The following CELF4 variants were observed in gnomAD, a reference collection of about 807,000 sequenced individuals.
CELF4 encodes the protein CUG-BP- and ETR-3-like factor 4.
CELF4 carries 18 observed loss-of-function variants against 59.9 expected under a neutral mutation model. The ratio of observed to expected loss-of-function variants is 0.30; its 90% CI spans 0.21 to 0.45. The LOEUF (loss-of-function observed/expected upper bound fraction) is 0.45. Among genes scored for constraint, CELF4 ranks in the 20% least tolerant of loss-of-function variants. CELF4 has a pLI of 1.00. For synonymous variants in CELF4, 261 were observed against 267.1 expected, an observed-to-expected ratio of 0.98 and a Z score of 0.22; for missense variants, 456 against 689.0, an observed-to-expected ratio of 0.66 and a Z score of 3.79.
At chr18:37,271,254 CTTTTTTT>C (rs34833771) in intron 7 of CELF4, among the ~76,000 whole-genome samples, 21 of 105,536 alleles carry the variant, frequency 2.0e-4, no homozygotes, top group Admixed American at 8.3e-4. Context: ...TCCTTCAGTC[CTTTTTTT>C]TTTTTTTTTT....
chr18:37,526,974 A>T (rs2099964614), intron 1 of CELF4, among the ~76,000 whole-genome samples: 1 of 152,200 alleles, frequency 6.6e-6, no homozygotes, highest in Non-Finnish European at 1.5e-5. Context: ...TTATCTATAA[A>T]ATGGGCAGTA....
At chr18:37,296,487 C>T (rs977658631) in intron 3 of CELF4, among the ~76,000 whole-genome samples, 4 of 152,216 alleles carry the variant, frequency 2.6e-5, no homozygotes, top group Admixed American at 2.0e-4. Flanking sequence ...TGAGCCACTG[C>T]GCCTGGCCGG....
chr18:37,263,647 T>G (rs1160784300), intron 10 of CELF4, among the ~76,000 whole-genome samples: 2 of 152,018 alleles, frequency 1.3e-5, no homozygotes, highest in African/African-American at 4.8e-5. Flanking sequence ...ACCTAGGCAC[T>G]GGGATGGGAA....
intron 1 of CELF4, among the ~76,000 whole-genome samples, chr18:37,506,560 T>C (rs1369029807): frequency 1.3e-5 from 2 of 151,948 alleles, no homozygotes; most frequent in African/African-American, 2.4e-5. Flanking sequence ...GAGAGGGAGG[T>C]TGGGCAAACT....
intron 3 of CELF4, among the ~76,000 whole-genome samples, chr18:37,309,440 C>G (rs991897586): frequency 2.6e-5 from 4 of 151,894 alleles, no homozygotes; most frequent in Admixed American, 2.6e-4. Context: ...ATTGAGGCCC[C>G]ACTGGCTCTA....
At chr18:37,334,784 G>A (rs1201806678) in intron 2 of CELF4, among the ~76,000 whole-genome samples, 1 of 151,958 alleles carries the variant, frequency 6.6e-6, no homozygotes. Flanking sequence ...TAGGCCTGGA[G>A]AGAGCAGGAA....
chr18:37,478,258 C>T (rs561652980), intron 2 of CELF4, among the ~76,000 whole-genome samples: 82 of 152,284 alleles, frequency 5.4e-4, no homozygotes, highest in East Asian at 1.4e-3. Flanking sequence ...AGGGAGGGTC[C>T]GGGCTCATTG....
At chr18:37,455,062 A>C (rs191204379) in intron 2 of CELF4, among the ~76,000 whole-genome samples, 397 of 152,322 alleles carry the variant, frequency 2.6e-3, no homozygotes, top group Non-Finnish European at 4.4e-3. Context: ...TAGGGGAAAA[A>C]AAATCCACAT....
intron 2 of CELF4, among the ~76,000 whole-genome samples, chr18:37,472,850 T>C (rs953400219): frequency 2.6e-5 from 4 of 152,314 alleles, no homozygotes; most frequent in African/African-American, 9.6e-5. Context: ...CTAGCCAAAC[T>C]GGCTGGGGCT....
intron 2 of CELF4, among the ~76,000 whole-genome samples, chr18:37,451,123 G>A (rs2099762378): frequency 6.6e-6 from 1 of 152,234 alleles, no homozygotes; most frequent in African/African-American, 2.4e-5. Flanking sequence ...CAACCAGCAG[G>A]ATCAGCTGCC....
intron 2 of CELF4, among the ~76,000 whole-genome samples, chr18:37,437,925 A>G (rs1208455408): frequency 6.6e-6 from 1 of 152,118 alleles, no homozygotes. Context: ...TTAGGTGTAG[A>G]TGAGGTCAGG....
intron 2 of CELF4, among the ~76,000 whole-genome samples, chr18:37,484,410 G>A (rs1464417520): frequency 1.3e-5 from 2 of 152,330 alleles, no homozygotes; most frequent in East Asian, 3.9e-4. Flanking sequence ...CCCTGCCAGA[G>A]CTGGGCTTCA....
At chr18:37,283,207 C>T (rs940653893) in intron 3 of CELF4, among the ~76,000 whole-genome samples, 2 of 151,840 alleles carry the variant, frequency 1.3e-5, no homozygotes, top group South Asian at 2.1e-4. Flanking sequence ...TCTGCCATCC[C>T]TCCTCCTTCT....
chr18:37,303,949 T>TG (rs1246295256), intron 3 of CELF4, among the ~76,000 whole-genome samples: 1 of 152,222 alleles, frequency 6.6e-6, no homozygotes, highest in Non-Finnish European at 1.5e-5. Flanking sequence ...AAGGCTTCCC[T>TG]GGGCCCCAGC....
At chr18:37,259,389 G>A in intron 10 of CELF4, 125 bp from the exon 11 acceptor site, 2 of 469,628 alleles carry the variant, frequency 4.3e-6, no homozygotes, top group South Asian at 2.2e-5. Context: ...TTAGGAGGGG[G>A]AGTCTCATTC....
rs747168555 is a variant in CELF4 at position 37,275,160 on chromosome 18, T to C, written c.532A>G (p.Ile178Val). 1 of 1,613,558 alleles carries C rather than the reference T, an allele frequency of 6.2e-7. No individual in the cohort carries two copies. The highest frequency in any genetic ancestry group is 8.5e-7 in the Non-Finnish European group (1 of 1,179,866). Residue 178 changes from isoleucine to valine, a missense_variant, in exon 4 of 13, where the codon ATC (isoleucine) becomes GTC (valine). By Grantham distance (29) the Ile-to-Val change is conservative. Transcript: ENST00000420428. ...VRRLFEAFGN[I>V]EECTILRGPD... Reference sequence around the variant, plus strand: ...CCGCGCAGGATGGTGCACTCCTCGATGTTCCCAAAGGCCTCGAAAAGGCGG... The same window carrying C: ...CCGCGCAGGATGGTGCACTCCTCGACGTTCCCAAAGGCCTCGAAAAGGCGG...
chr18:37,340,616 T>C (rs1289169953), intron 2 of CELF4, among the ~76,000 whole-genome samples: 1 of 152,190 alleles, frequency 6.6e-6, no homozygotes, highest in African/African-American at 2.4e-5. Flanking sequence ...TGGACCCCAG[T>C]GGTCAGTGGG....
intron 3 of CELF4, among the ~76,000 whole-genome samples, chr18:37,287,754 G>A (rs929525882): frequency 6.6e-6 from 1 of 152,180 alleles, no homozygotes; most frequent in African/African-American, 2.4e-5. Context: ...GACTGATAAT[G>A]GACTGCAGAT....
intron 3 of CELF4, among the ~76,000 whole-genome samples, chr18:37,285,400 C>A (rs1478585138): frequency 6.6e-6 from 1 of 152,368 alleles, no homozygotes. Flanking sequence ...GCCTGAAGCC[C>A]GTCCTTGGCC....
Sources: allele counts gnomAD v4.1 joint callset (sites outside exome capture counted in the v4.1 genomes callset), GRCh38; gene constraint gnomAD v4.1.1; transcripts MANE v1.5; gene names NCBI Gene and HGNC (gene_info 2026-07-23, HGNC 2026-07-21).